The following SLC25A18 variants were observed in gnomAD, a reference collection of about 807,000 sequenced individuals.
SLC25A18 encodes the protein mitochondrial glutamate carrier 2.
Under a neutral mutation model 31.1 loss-of-function variants are expected in SLC25A18, and 24 were observed. The observed-to-expected ratio is 0.77, with a 90% CI of 0.56 to 1.08. The LOEUF (loss-of-function observed/expected upper bound fraction) is 1.08, where lower values mean the gene tolerates loss of function less well. Among genes scored for constraint, SLC25A18 ranks in the 50% least tolerant of loss-of-function variants. The probability of loss-of-function intolerance (pLI) is 0.00; values close to 1 mark genes in which losing one functional copy is unlikely to be tolerated. For synonymous variants in SLC25A18, 173 were observed against 161.9 expected (o/e 1.07, Z -0.52); for missense variants, 371 against 418.5 (o/e 0.89, Z 0.99).
chr22:17,581,164 G>C lies in SLC25A18; in HGVS notation c.143+5G>C, dbSNP rs2057361621. The C allele has an allele frequency of 6.3e-7, 1 of 1,588,218 alleles. No individual in the cohort carries two copies. The highest frequency in any genetic ancestry group is 8.6e-7 in the Non-Finnish European group (1 of 1,165,366). ...GAAAGCCATGTACAAAGGAATGTAG[G>C]TGCTGGCAGGCGAGCGTGGAGGGCA... On this transcript the variant is annotated splice_donor_5th_base_variant and intron_variant, in intron 4 of 10. Coordinates refer to ENST00000327451, the MANE Select transcript of SLC25A18 (RefSeq NM_031481.3).
intron 1 of SLC25A18, among the ~76,000 whole-genome samples, chr22:17,566,885 C>T (rs1406438031): frequency 6.6e-6 from 1 of 152,184 alleles, no homozygotes; most frequent in Non-Finnish European, 1.5e-5. Context: ...CATGGGCCGG[C>T]CGTGATGGCT....
intron 2 of SLC25A18, among the ~76,000 whole-genome samples, chr22:17,574,461 C>T (rs2057174898): frequency 6.6e-6 from 1 of 152,152 alleles, no homozygotes; most frequent in African/African-American, 2.4e-5. Flanking sequence ...ACCAAGCCCA[C>T]ATCCAGGGTC....
chr22:17,578,913 G>C (rs1388345504), intron 2 of SLC25A18, among the ~76,000 whole-genome samples: 5 of 151,990 alleles, frequency 3.3e-5, no homozygotes, highest in Non-Finnish European at 7.4e-5. Context: ...AAAAATAGCA[G>C]GCCCCCTCCT....
At chr22:17,583,245 GT>G (rs2057429486) in intron 6 of SLC25A18, among the ~76,000 whole-genome samples, 170 bp from the exon 7 acceptor site, 1 of 152,254 alleles carries the variant, frequency 6.6e-6, no homozygotes, top group Non-Finnish European at 1.5e-5. Flanking sequence ...TTTAAACTTA[GT>G]CCCCTGTCCG....
intron 3 of SLC25A18, 32 bp downstream of exon 3, chr22:17,579,996 G>A (rs1484616531): frequency 1.9e-6 from 3 of 1,602,848 alleles, no homozygotes; most frequent in Non-Finnish European, 2.6e-6. Flanking sequence ...TGAGGCCCTG[G>A]GCCCTGGGCC....
At position 17,579,817 on chromosome 22, in the gene SLC25A18, C is replaced by G; in HGVS notation, c.-128C>G. ...CTCGGGCCAGGCTGCACTCAAAACC[C>G]GTGCTCTGTCCACACTGCTACGGGG... On this transcript the variant is annotated 5_prime_UTR_variant, in exon 3 of 11. Transcript: ENST00000327451. The G allele has an allele frequency of 2.1e-6, 3 of 1,458,514 alleles. No homozygotes were observed. The South Asian group carries it at 4.3e-5, about 21-fold the overall frequency. The allele number at this position is 1,458,514 out of a possible 1,614,324, so 90.3% of individuals were successfully genotyped here.
rs149976885 is a variant in SLC25A18, at chr22:17,577,447, C to T, written c.-200-2298C>T. Among the ~76,000 whole-genome samples the T allele has an allele frequency of 1.1e-4, 16 of 151,994 alleles. No homozygotes were observed. In the East Asian group the frequency reaches 2.7e-3, roughly 26 times the overall value. On this transcript the variant is annotated intron_variant, in intron 2 of 10. Transcript: ENST00000327451. ...TGCTGAGATTATAGGTGTGAGCCAC[C>T]GCACCCGGCCCACAGTTTCTAAAGT... is the stretch of plus-strand genomic sequence containing the variant.
intron 3 of SLC25A18, chr22:17,580,772 T>G: frequency 8.2e-7 from 1 of 1,216,376 alleles, no homozygotes; most frequent in Non-Finnish European, 1.0e-6. Context: ...TGGCGGCCCA[T>G]GGGGGCAGAG....
chr22:17,569,299 C>T (rs1174270324), intron 1 of SLC25A18, among the ~76,000 whole-genome samples: 3 of 152,222 alleles, frequency 2.0e-5, no homozygotes, highest in Non-Finnish European at 4.4e-5. Flanking sequence ...TGAGCCACCG[C>T]GCCCAGCCCT....
intron 2 of SLC25A18, 55 bp downstream of exon 2, chr22:17,570,041 T>C (rs958804390): frequency 3.1e-6 from 3 of 967,216 alleles, no homozygotes; most frequent in Non-Finnish European, 3.7e-6. Context: ...AAGACTCTTC[T>C]AGCAAATAAA....
chr22:17,587,717 GA>G lies in SLC25A18; in HGVS notation c.576-206del, dbSNP rs755514699. On this transcript the variant is annotated intron_variant, in intron 8 of 10. Coordinates refer to ENST00000327451, the MANE Select transcript of SLC25A18 (RefSeq NM_031481.3). ...AGGCTGCAGGTGCTGCAGGGCAGAG[GA>G]AGGAGCTGGGACGGCGGAACAGATG... 3.2e-5 allele frequency: 20 copies of G among 619,810 alleles called. 1 individual carries two copies. The highest frequency in any genetic ancestry group is 5.3e-5 in the Non-Finnish European group (19 of 361,496). The allele number at this position is 619,810 out of a possible 1,614,324, so 38.4% of individuals were successfully genotyped here.
intron 7 of SLC25A18, 76 bp from the exon 8 acceptor site, chr22:17,587,060 A>G: frequency 6.5e-7 from 1 of 1,531,728 alleles, no homozygotes; most frequent in South Asian, 1.2e-5. Flanking sequence ...AGGGGCAGGG[A>G]TTGAGAGCCA....
chr22:17,570,058 G>A (rs2057045398), intron 2 of SLC25A18, 72 bp downstream of exon 2: 1 of 939,666 alleles, frequency 1.1e-6, no homozygotes. Context: ...TAAACCATTG[G>A]GGGAAAGGGG....
chr22:17,583,827 C>A lies in SLC25A18; in HGVS notation c.409+293C>A, dbSNP rs537053248. On this transcript the variant is annotated intron_variant, in intron 7 of 10. Coordinates refer to ENST00000327451, the MANE Select transcript of SLC25A18 (RefSeq NM_031481.3). ...GGCGTGGTGGTGCATGCCTATAATC[C>A]CAGCTACTCGGGAGGCTGAGGCAGG... Among the ~76,000 whole-genome samples, 440 of 151,966 alleles carry A rather than the reference C, an allele frequency of 2.9e-3. 7 individuals carry two copies. In the South Asian group the frequency reaches 0.044, roughly 15 times the overall value.
rs570318518 is a variant in SLC25A18 at position 17,579,817 on chromosome 22, C to T, written c.-128C>T. On this transcript the variant is annotated 5_prime_UTR_variant, in exon 3 of 11. Transcript: ENST00000327451. ...CTCGGGCCAGGCTGCACTCAAAACCCGTGCTCTGTCCACACTGCTACGGGG... is the reference window on the plus strand; with the variant it reads ...CTCGGGCCAGGCTGCACTCAAAACCTGTGCTCTGTCCACACTGCTACGGGG... 7 of 1,458,514 alleles carry T rather than the reference C, an allele frequency of 4.8e-6. No individual in the cohort carries two copies. In the South Asian group the frequency reaches 7.2e-5, roughly 15 times the overall value. The allele number at this position is 1,458,514 out of a possible 1,614,324, so 90.3% of individuals were successfully genotyped here.
chr22:17,566,817 C>G (rs965126041), intron 1 of SLC25A18, among the ~76,000 whole-genome samples: 1 of 152,182 alleles, frequency 6.6e-6, no homozygotes, highest in African/African-American at 2.4e-5. Context: ...GGTCCCTACT[C>G]CATAGCATCC....
chr22:17,569,672 C>A, intron 1 of SLC25A18: 2 of 985,442 alleles, frequency 2.0e-6, no homozygotes, highest in Non-Finnish European at 2.4e-6. Context: ...CCAGCCTGGA[C>A]TTTTTGTCCG....
At chr22:17,571,758 GA>G (rs796501629) in intron 2 of SLC25A18, among the ~76,000 whole-genome samples, 1,036 of 91,512 alleles carry the variant, frequency 0.011, 7 homozygotes, top group African/African-American at 0.032. Context: ...GTCTCAAAAA[GA>G]AAAAAAAAAA....
At chr22:17,565,256 AT>A (rs1292006031) in intron 1 of SLC25A18, among the ~76,000 whole-genome samples, 19 of 151,464 alleles carry the variant, frequency 1.3e-4, no homozygotes, top group African/African-American at 4.6e-4. Flanking sequence ...AATTTTTTGT[AT>A]TTTTTAGTAG....
Sources: allele counts gnomAD v4.1 joint callset (sites outside exome capture counted in the v4.1 genomes callset), GRCh38; gene constraint gnomAD v4.1.1; transcripts MANE v1.5; gene names NCBI Gene and HGNC (gene_info 2026-07-23, HGNC 2026-07-21).